RACK1: variants seen among roughly 807,000 people sequenced by gnomAD.
RACK1 encodes the protein receptor for activated C kinase 1, also known as small ribosomal subunit protein RACK1.
In RACK1, 3 loss-of-function variants were observed where a neutral mutation model predicts 42.2. The observed-to-expected ratio is 0.07, with a 90% CI of 0.03 to 0.18. RACK1 has a LOEUF of 0.18. Ranked by LOEUF, RACK1 falls within the 10% of genes least tolerant of loss-of-function variation. RACK1 has a pLI of 1.00. For synonymous variants in RACK1, 181 were observed against 154.8 expected, an observed-to-expected ratio of 1.17 and a Z score of -1.25; for missense variants, 146 against 403.2, an observed-to-expected ratio of 0.36 and a Z score of 5.46.
rs149150120 is a variant in RACK1 at position 181,242,043 on chromosome 5, T to A, written c.281+131A>T. 75 of 851,018 alleles carry A rather than the reference T, an allele frequency of 8.8e-5. 1 individual carries two copies. The African/African-American group carries it at 1.1e-3, about 12-fold the overall frequency. 52.7% of individuals were successfully genotyped at this position (851,018 alleles called of 1,614,324 possible). Reference sequence around the variant, plus strand: ...TTTAAAGTGAGGGAGGCCAAACATCTTCTGTAGGTGTGCTCTGCTTTCCAG... The same window carrying A: ...TTTAAAGTGAGGGAGGCCAAACATCATCTGTAGGTGTGCTCTGCTTTCCAG... On this transcript the variant is annotated intron_variant, in intron 2 of 7. Coordinates refer to ENST00000512805, the MANE Select transcript of RACK1 (RefSeq NM_006098.5).
intron 6 of RACK1, 57 bp from the exon 7 acceptor site, chr5:181,237,776 A>G: frequency 1.0e-6 from 1 of 977,934 alleles, no homozygotes; most frequent in South Asian, 1.3e-5. Context: ...GTCTCCTCTT[A>G]AAAGCCCCTC....
chr5:181,243,409 C>T (rs775485669), intron 1 of RACK1: 2 of 1,458,306 alleles, frequency 1.4e-6, no homozygotes, highest in East Asian at 6.2e-5. Flanking sequence ...GGCCACACTA[C>T]GAAGGAGAAG....
At chr5:181,243,416 G>A (rs1759431178) in intron 1 of RACK1, 4 of 1,478,776 alleles carry the variant, frequency 2.7e-6, no homozygotes, top group East Asian at 2.9e-5. Flanking sequence ...CTACGAAGGA[G>A]AAGGCAAAAG....
In RACK1 at chr5:181,241,627, C is replaced by G; in HGVS notation, c.294G>C (p.Thr98=). The G allele has an allele frequency of 6.2e-7, 1 of 1,614,088 alleles. No individual in the cohort carries two copies. Among genetic ancestry groups the G allele is most frequent in the Non-Finnish European group, 8.5e-7 (1 of 1,180,020 alleles). The change falls in exon 3 of 8, where the codon ACG becomes ACC. Residue 98 remains threonine, a synonymous_variant. Transcript: ENST00000512805. ...RLWDLTTGTT[T]RRFVGHTKDV... ...CCTTGGTATGGCCCACAAATCGCCT[C>G]GTGGTGGTGCCCCTGAGAGGGAGGA...
chr5:181,242,779 T>G, intron 1 of RACK1: 2 of 344,268 alleles, frequency 5.8e-6, no homozygotes, highest in South Asian at 4.3e-5. Flanking sequence ...GGCTAGTCTC[T>G]AACTCCTGAT....
At chr5:181,243,566 A>T in intron 1 of RACK1, 126 bp downstream of exon 1, 1 of 1,415,124 alleles carries the variant, frequency 7.1e-7, no homozygotes, top group Non-Finnish European at 9.6e-7. Flanking sequence ...TGGGGCAGAG[A>T]AGTCTGTCAG....
intron 4 of RACK1, 85 bp downstream of exon 4, chr5:181,239,402 C>G: frequency 1.0e-6 from 1 of 983,454 alleles, no homozygotes; most frequent in Non-Finnish European, 1.7e-6. Flanking sequence ...AGGGCATCTG[C>G]AAAGCTTTCC....
intron 6 of RACK1, 102 bp downstream of exon 6, chr5:181,237,997 G>T: frequency 7.8e-7 from 1 of 1,278,658 alleles, no homozygotes; most frequent in Non-Finnish European, 1.1e-6. Flanking sequence ...GGCTGAGAAA[G>T]CTTAGCTCCC....
chr5:181,243,719 G>A lies in RACK1; in HGVS notation c.82C>T (p.Pro28Ser). ...VTQIATTPQFPDMILSASRDK... is the reference protein window; with the variant it reads ...VTQIATTPQFSDMILSASRDK... Reference sequence around the variant, plus strand: ...CGAGAGGCGGAGAGGATCATGTCCGGGAACTGCGGGGTAGTAGCGATCTGG... The same window carrying A: ...CGAGAGGCGGAGAGGATCATGTCCGAGAACTGCGGGGTAGTAGCGATCTGG... Residue 28 changes from proline to serine, a missense_variant, in exon 1 of 8, where the codon CCG becomes TCG. Transcript: ENST00000512805. 6.2e-7 allele frequency: 1 copy of A among 1,608,518 alleles called. No homozygotes were observed. Among genetic ancestry groups the A allele is most frequent in the Non-Finnish European group, 8.5e-7 (1 of 1,177,588 alleles).
At chr5:181,238,337 C>A in intron 5 of RACK1, 98 bp from the exon 6 acceptor site, 1 of 1,255,228 alleles carries the variant, frequency 8.0e-7, no homozygotes, top group Non-Finnish European at 1.2e-6. Context: ...TACCTTTCCT[C>A]CATTACCCCA....
rs773028960 is a variant in RACK1 at position 181,241,497 on chromosome 5, C to T, written c.424G>A (p.Val142Ile). 1.2e-6 allele frequency: 2 copies of T among 1,609,672 alleles called. No individual in the cohort carries two copies. The highest frequency in any genetic ancestry group is 2.2e-5 in the South Asian group (2 of 90,952). Residue 142 changes from valine to isoleucine, a missense_variant, in exon 3 of 8, where the codon GTC (valine) becomes ATC (isoleucine). Physicochemically the swap from Val to Ile is conservative, Grantham distance 29. Transcript: ENST00000512805. ...TTGGAGATGGCTCACTTTACCTGGA[C>T]AGTGTATTTGCACACACCCAGGGTA... ...WNTLGVCKYT[V>I]QDESHSEWVS...
chr5:181,239,860 A>C (rs1277187537), intron 3 of RACK1, among the ~76,000 whole-genome samples: 10 of 151,136 alleles, frequency 6.6e-5, no homozygotes, highest in East Asian at 3.9e-4. Flanking sequence ...GCCTGGCCAA[A>C]ATGGTGAAAC....
At position 181,238,175 on chromosome 5, in the gene RACK1, T is replaced by C. The variant is rs1759209851; in HGVS notation, c.701A>G (p.Asp234Gly). The C allele has an allele frequency of 6.2e-7, 1 of 1,613,946 alleles. No individual in the cohort carries two copies. The highest frequency in any genetic ancestry group is 8.5e-7 in the Non-Finnish European group (1 of 1,179,882). The change falls in exon 6 of 8, where the codon GAC becomes GGC. Residue 234 changes from aspartate to glycine, a missense_variant. By Grantham distance (94) the Asp-to-Gly change is moderately conservative (BLOSUM62 -1). Transcript: ENST00000512805. ...GCTGAAGCACAGGGCGTTGATGATGTCCCCACCATCTAGCGTGTAAAGGTG... is the reference window on the plus strand; with the variant it reads ...GCTGAAGCACAGGGCGTTGATGATGCCCCCACCATCTAGCGTGTAAAGGTG... ...GKHLYTLDGG[D>G]IINALCFSPN... is the part of the protein sequence containing the mutation.
At chr5:181,239,257 A>G in intron 4 of RACK1, 80 bp from the exon 5 acceptor site, 2 of 918,154 alleles carry the variant, frequency 2.2e-6, no homozygotes, top group South Asian at 1.3e-5. Flanking sequence ...AGGGCTTGGC[A>G]CTTCTGGATA....
At chr5:181,237,157 T>C in intron 7 of RACK1, 115 bp from the exon 8 acceptor site, 4 of 1,552,500 alleles carry the variant, frequency 2.6e-6, no homozygotes, top group Non-Finnish European at 3.5e-6. Flanking sequence ...TTGTCTAGGC[T>C]GGAGTGCAGG....
At chr5:181,242,472 G>T (rs1336675754) in intron 1 of RACK1, 127 bp from the exon 2 acceptor site, 1 of 684,156 alleles carries the variant, frequency 1.5e-6, no homozygotes, top group Admixed American at 2.3e-5. Flanking sequence ...AGGAGGGATG[G>T]AAACAACAGA....
At chr5:181,237,928 G>T (rs954190680) in intron 6 of RACK1, 171 bp downstream of exon 6, 2 of 692,772 alleles carry the variant, frequency 2.9e-6, no homozygotes, top group Non-Finnish European at 5.0e-6. Flanking sequence ...AAACATCCTG[G>T]AATGTACAGG....
chr5:181,243,442 C>A, intron 1 of RACK1: 1 of 1,499,376 alleles, frequency 6.7e-7, no homozygotes, highest in Non-Finnish European at 8.9e-7. Context: ...TTAAAAGTTT[C>A]CAACTCTCCA....
chr5:181,237,702 G>C lies in RACK1; in HGVS notation c.795C>G (p.Ile265Met), dbSNP rs780364981. Residue 265 changes from isoleucine to methionine, a missense_variant, in exon 7 of 8, where the codon ATC (isoleucine) becomes ATG (methionine). Coordinates refer to ENST00000512805, the MANE Select transcript of RACK1 (RefSeq NM_006098.5). ...SIKIWDLEGKIIVDELKQEVI... is the reference protein window; with the variant it reads ...SIKIWDLEGKMIVDELKQEVI... The stretch of plus-strand genomic sequence containing the variant: ...CTTCTTGCTTCAGTTCATCTACAAT[G>C]ATCTTTCCCTCTAAATCCTGGGGAA... 6.2e-7 allele frequency: 1 copy of C among 1,603,014 alleles called. No individual in the cohort carries two copies. The highest frequency in any genetic ancestry group is 8.5e-7 in the Non-Finnish European group (1 of 1,169,852).
Sources: allele counts gnomAD v4.1 joint callset (sites outside exome capture counted in the v4.1 genomes callset), GRCh38; gene constraint gnomAD v4.1.1; transcripts MANE v1.5; gene names NCBI Gene and HGNC (gene_info 2026-07-23, HGNC 2026-07-21).